The following FBXW10B variants were observed in gnomAD, a reference collection of about 807,000 sequenced individuals.
The protein encoded by FBXW10B is F-box and WD repeat domain containing 10B, also known as F-box and WD repeat domain containing protein 10B.
chr17:15,615,172 T>G, the FBXW10B span, among the ~76,000 whole-genome samples: 2 of 151,420 alleles, frequency 1.3e-5, no homozygotes, highest in Non-Finnish European at 2.9e-5. Flanking sequence ...GAGAATTAGA[T>G]GGGAAAGTAA....
chr17:15,586,304 G>T, the FBXW10B span, among the ~76,000 whole-genome samples: 1 of 150,952 alleles, frequency 6.6e-6, no homozygotes, highest in Non-Finnish European at 1.5e-5. Flanking sequence ...ATTTGGGGGG[G>T]CATTGTCCCC....
chr17:15,584,376 AT>A, the FBXW10B span, among the ~76,000 whole-genome samples: 10 of 152,192 alleles, frequency 6.6e-5, no homozygotes, highest in South Asian at 2.1e-4. Context: ...CATATTCTCA[AT>A]TTTTTTTAAG....
chr17:15,593,422 T>G, the FBXW10B span: 1 of 1,614,020 alleles, frequency 6.2e-7, no homozygotes. Flanking sequence ...TTGAAGAAAT[T>G]GTAAATTCGG....
At chr17:15,597,332 A>G in the FBXW10B span, among the ~76,000 whole-genome samples, 1 of 150,592 alleles carries the variant, frequency 6.6e-6, no homozygotes, top group Non-Finnish European at 1.5e-5. Context: ...GGTTTTCTAA[A>G]ATGAAGAAGT....
the FBXW10B span, chr17:15,596,766 C>G: frequency 9.3e-6 from 13 of 1,398,004 alleles, no homozygotes; most frequent in Non-Finnish European, 1.2e-5. Context: ...AAAGACTCAT[C>G]GAGCCCATCA....
At chr17:15,582,832 C>G in the FBXW10B span, among the ~76,000 whole-genome samples, 3 of 151,972 alleles carry the variant, frequency 2.0e-5, no homozygotes. Flanking sequence ...GGCCCGCTCT[C>G]TGCTTCTAAT....
chr17:15,568,943 C>T, the FBXW10B span: 2 of 1,231,682 alleles, frequency 1.6e-6, no homozygotes, highest in Non-Finnish European at 2.0e-6. Context: ...TATTACAGCA[C>T]ATCCCAGCTG....
At chr17:15,587,228 T>C in the FBXW10B span, among the ~76,000 whole-genome samples, 1 of 150,922 alleles carries the variant, frequency 6.6e-6, no homozygotes, top group Non-Finnish European at 1.5e-5. Context: ...TGAGGGTGCC[T>C]GAGTGAGTAT....
At chr17:15,566,219 C>T in the FBXW10B span, 17 of 1,612,348 alleles carry the variant, frequency 1.1e-5, no homozygotes, top group African/African-American at 6.8e-5. Context: ...GAATTACGGG[C>T]GTGCTGCAGG....
chr17:15,599,819 C>T, the FBXW10B span, among the ~76,000 whole-genome samples: 2 of 151,876 alleles, frequency 1.3e-5, no homozygotes, highest in Non-Finnish European at 2.9e-5. Flanking sequence ...GAGAAGGCTG[C>T]CTGAAGTCCA....
chr17:15,571,504 T>C, the FBXW10B span: 4 of 152,164 alleles, frequency 2.6e-5, no homozygotes, highest in Non-Finnish European at 4.4e-5. Flanking sequence ...ATAATTAACA[T>C]TTATTAAAAA....
chr17:15,610,106 C>T, the FBXW10B span, among the ~76,000 whole-genome samples: 1 of 152,074 alleles, frequency 6.6e-6, no homozygotes, highest in Non-Finnish European at 1.5e-5. Context: ...AGGTGATCCA[C>T]CTGCCTCAGC....
At chr17:15,604,421 A>G in the FBXW10B span, among the ~76,000 whole-genome samples, 1 of 152,230 alleles carries the variant, frequency 6.6e-6, no homozygotes, top group African/African-American at 2.4e-5. Context: ...GGCAGGAAGA[A>G]GCAAGAAGAG....
the FBXW10B span, chr17:15,615,473 C>A: frequency 4.7e-6 from 4 of 858,844 alleles, no homozygotes; most frequent in Non-Finnish European, 5.6e-6. Context: ...CCACTGCGCC[C>A]GGCTAATTTT....
the FBXW10B span, among the ~76,000 whole-genome samples, chr17:15,608,091 T>A: frequency 6.6e-6 from 1 of 151,724 alleles, no homozygotes; most frequent in Non-Finnish European, 1.5e-5. Flanking sequence ...TACCTGATAG[T>A]ACAAAGCACA....
chr17:15,590,842 A>G, the FBXW10B span, among the ~76,000 whole-genome samples: 1,148 of 149,430 alleles, frequency 7.7e-3, 14 homozygotes, highest in African/African-American at 0.024. Flanking sequence ...CCACCTGCCT[A>G]TCTGATGGAG....
At chr17:15,566,623 T>A in the FBXW10B span, among the ~76,000 whole-genome samples, 1 of 151,916 alleles carries the variant, frequency 6.6e-6, no homozygotes, top group Non-Finnish European at 1.5e-5. Flanking sequence ...TGCAGTGGCA[T>A]GTTCTCTGCT....
chr17:15,594,866 C>T, the FBXW10B span: 2 of 1,613,274 alleles, frequency 1.2e-6, no homozygotes, highest in Non-Finnish European at 1.7e-6. Flanking sequence ...AGGCATTTCA[C>T]AGCTCCCTCG....
the FBXW10B span, among the ~76,000 whole-genome samples, chr17:15,584,127 C>G: frequency 6.6e-6 from 1 of 152,158 alleles, no homozygotes; most frequent in East Asian, 1.9e-4. Flanking sequence ...CTAACCAGAG[C>G]TGTGAACAAA....
Sources: allele counts gnomAD v4.1 joint callset (sites outside exome capture counted in the v4.1 genomes callset), GRCh38; gene constraint gnomAD v4.1.1; transcripts MANE v1.5; gene names NCBI Gene and HGNC (gene_info 2026-07-23, HGNC 2026-07-21).